EDA: variants seen among roughly 807,000 people sequenced by gnomAD.
EDA encodes the protein ectodysplasin-A.
Under a neutral mutation model 23.6 loss-of-function variants are expected in EDA, and 2 were observed. The observed-to-expected ratio is 0.08, with a 90% CI of 0.03 to 0.27. The LOEUF (loss-of-function observed/expected upper bound fraction) is 0.27. EDA is among the 10% of genes least tolerant of loss of function. The pLI is 1.00. For missense variants in EDA, 229 were observed against 324.2 expected (o/e 0.71, Z 2.26); for synonymous variants, 131 against 132.0 (o/e 0.99, Z 0.05).
chrX:69,679,761 C>A (rs1192886110), intron 1 of EDA, among the ~76,000 whole-genome samples: 2 of 110,956 alleles, frequency 1.8e-5, no homozygotes, highest in Non-Finnish European at 3.8e-5. Context: ...TTGATCTTTT[C>A]AAAAACCCAG....
intron 1 of EDA, among the ~76,000 whole-genome samples, chrX:69,866,452 G>A (rs1445118064): frequency 9.0e-6 from 1 of 111,024 alleles, no homozygotes; most frequent in Non-Finnish European, 1.9e-5. Context: ...ATGTCTCCTG[G>A]TGGCAGCGTT....
intron 1 of EDA, among the ~76,000 whole-genome samples, chrX:69,859,698 TGTA>T (rs2017337520): frequency 8.1e-5 from 9 of 111,764 alleles, no homozygotes; most frequent in Non-Finnish European, 1.1e-4. Context: ...ATGCATATTC[TGTA>T]GTTTTTGGGT....
intron 2 of EDA, among the ~76,000 whole-genome samples, chrX:69,961,216 C>A (rs754374184): frequency 2.3e-3 from 255 of 111,079 alleles, no homozygotes; most frequent in Non-Finnish European, 3.9e-3. Flanking sequence ...GTTGAGTGAT[C>A]CGCCCACCTC....
At chrX:69,736,703 T>C (rs1484645836) in intron 1 of EDA, among the ~76,000 whole-genome samples, 1 of 110,398 alleles carries the variant, frequency 9.1e-6, no homozygotes, top group Non-Finnish European at 1.9e-5. Context: ...AGTTAATTGA[T>C]TTTTGTATTT....
At position 69,669,074 on chromosome X, in the gene EDA, T is replaced by A. The variant is rs746026808; in HGVS notation, c.396+52370T>A. ...GACTGGAAGTCTGTTTTGTCAGATATAAAGATATAAGCACAGCCACTTTGC... is the reference window on the plus strand; with the variant it reads ...GACTGGAAGTCTGTTTTGTCAGATAAAAAGATATAAGCACAGCCACTTTGC... On this transcript the variant is annotated intron_variant, in intron 1 of 7. Transcript: ENST00000374552. Among the ~76,000 whole-genome samples the A allele has an allele frequency of 4.0e-3, 445 of 112,227 alleles. 2 individuals carry two copies. The highest frequency in any genetic ancestry group is 6.4e-3 in the Non-Finnish European group (343 of 53,212).
At chrX:69,793,610 G>A (rs1263732835) in intron 1 of EDA, among the ~76,000 whole-genome samples, 1 of 81,207 alleles carries the variant, frequency 1.2e-5, no homozygotes, top group Non-Finnish European at 2.2e-5. Flanking sequence ...TAGCTTATAA[G>A]GCCAACCAAA....
intron 1 of EDA, among the ~76,000 whole-genome samples, chrX:69,879,809 C>T (rs909705085): frequency 9.0e-6 from 1 of 111,446 alleles, no homozygotes; most frequent in African/African-American, 3.3e-5. Flanking sequence ...GCCTCCATCC[C>T]CAGCTGAACA....
At chrX:69,975,465 T>TGGAGGGAGGGAA (rs2019304696) in intron 2 of EDA, among the ~76,000 whole-genome samples, 1 of 108,960 alleles carries the variant, frequency 9.2e-6, no homozygotes. Context: ...GGACTACATG[T>TGGAGGGAGGGAA]GGAGGGAGGG....
At chrX:70,010,107 C>G (rs1008594516) in intron 2 of EDA, among the ~76,000 whole-genome samples, 1 of 111,780 alleles carries the variant, frequency 8.9e-6, no homozygotes, top group Non-Finnish European at 1.9e-5. Context: ...ATGAAGTATT[C>G]TATAAACGTC....
chrX:69,821,243 G>A (rs189589732), intron 1 of EDA, among the ~76,000 whole-genome samples: 1 of 106,138 alleles, frequency 9.4e-6, no homozygotes, highest in Non-Finnish European at 1.9e-5. Flanking sequence ...GGGCCTACTG[G>A]GGGGGATGAG....
intron 1 of EDA, among the ~76,000 whole-genome samples, chrX:69,856,711 AT>A (rs368026991): frequency 6.3e-4 from 64 of 101,541 alleles, no homozygotes; most frequent in African/African-American, 1.3e-3. Flanking sequence ...TGATGCGATT[AT>A]TTTTTTTTTT....
chrX:69,663,416 C>T (rs1318125398), intron 1 of EDA, among the ~76,000 whole-genome samples: 1 of 112,301 alleles, frequency 8.9e-6, no homozygotes, highest in African/African-American at 3.2e-5. Context: ...CAATTTTTGG[C>T]AGCTTCCATG....
intron 1 of EDA, among the ~76,000 whole-genome samples, chrX:69,752,973 C>T (rs1438254696): frequency 9.0e-6 from 1 of 111,346 alleles, no homozygotes; most frequent in Non-Finnish European, 1.9e-5. Context: ...CTCTTTTCTT[C>T]TTTATTAGTC....
intron 1 of EDA, among the ~76,000 whole-genome samples, chrX:69,920,558 G>A (rs1045116674): frequency 9.0e-6 from 1 of 111,128 alleles, no homozygotes; most frequent in East Asian, 2.8e-4. Context: ...CTTCAGTTGG[G>A]ATTTGTCTAA....
At chrX:69,999,148 T>C (rs1488186448) in intron 2 of EDA, among the ~76,000 whole-genome samples, 1 of 111,924 alleles carries the variant, frequency 8.9e-6, no homozygotes, top group Non-Finnish European at 1.9e-5. Context: ...TTATGAACTT[T>C]TAAAAAATCA....
chrX:69,742,925 C>A (rs1405605893), intron 1 of EDA: 1 of 111,015 alleles, frequency 9.0e-6, no homozygotes, highest in Non-Finnish European at 1.9e-5. Flanking sequence ...AAGGATAAAT[C>A]TGGTCCCTTC....
At chrX:69,937,412 G>A in intron 1 of EDA, 1 of 734,353 alleles carries the variant, frequency 1.4e-6, no homozygotes, top group East Asian at 3.2e-5. Context: ...TGAGATGTTT[G>A]CAGCTCTTCA....
intron 1 of EDA, among the ~76,000 whole-genome samples, chrX:69,695,648 T>G: frequency 9.3e-6 from 1 of 107,598 alleles, no homozygotes; most frequent in South Asian, 4.4e-4. Context: ...TAGCTGGGAT[T>G]ACAAGTGCCC....
rs144187734 is a variant in EDA at position 69,978,318 on chromosome X, T to TAAAA, written c.502+21218_502+21221dup. On this transcript the variant is annotated intron_variant, in intron 2 of 7. Transcript: ENST00000374552. ...GGCCAATGTAGTGAAACTCCATCTCTAAAAAAAAAAAAAAAAAAAAAAAAA... is the reference window on the plus strand; with the variant it reads ...GGCCAATGTAGTGAAACTCCATCTCTAAAAAAAAAAAAAAAAAAAAAAAAAAAAA... Among the ~76,000 whole-genome samples the TAAAA allele has an allele frequency of 6.8e-3, 139 of 20,381 alleles. 21 individuals are homozygous for TAAAA. Among genetic ancestry groups the TAAAA allele is most frequent in the African/African-American group, 0.012 (96 of 7,957 alleles). 17.7% of individuals were successfully genotyped at this position (20,381 alleles called of 115,157 possible).
Sources: gnomAD v4.1 joint callset for allele counts (sites outside exome capture counted in the v4.1 genomes callset) on GRCh38, gnomAD v4.1.1 for gene constraint, MANE v1.5 for transcripts, NCBI Gene and HGNC (gene_info 2026-07-23, HGNC 2026-07-21) for gene names.